Variants in PDE4D observed in about 807,000 individuals in gnomAD.
PDE4D encodes the protein phosphodiesterase 4D, also known as 3',5'-cyclic-AMP phosphodiesterase 4D.
PDE4D carries 24 observed loss-of-function variants against 87.4 expected under a neutral mutation model. The observed-to-expected ratio is 0.27, with a 90% CI of 0.20 to 0.39. The LOEUF (loss-of-function observed/expected upper bound fraction) is 0.39, where lower values mean the gene tolerates loss of function less well. Among genes scored for constraint, PDE4D ranks in the 10% least tolerant of loss-of-function variants. PDE4D has a pLI of 1.00. For missense variants in PDE4D, 714 were observed against 1,041.0 expected (o/e 0.69, Z 4.32); for synonymous variants, 384 against 383.2 (o/e 1.00, Z -0.02).
chr5:59,809,579 T>C (rs879824332), intron 1 of PDE4D, among the ~76,000 whole-genome samples: 2 of 152,168 alleles, frequency 1.3e-5, no homozygotes, highest in Non-Finnish European at 2.9e-5. Context: ...TTTTAGGATA[T>C]AGTATTGCCT....
chr5:59,222,480 T>TG (rs2153511449), intron 1 of PDE4D, among the ~76,000 whole-genome samples: 1 of 152,250 alleles, frequency 6.6e-6, no homozygotes, highest in East Asian at 1.9e-4. Context: ...GGTGGGGCAA[T>TG]GAGGGCCTCA....
intron 4 of PDE4D, among the ~76,000 whole-genome samples, chr5:59,181,548 A>ATATATATATATATATATATG (rs1344987604): frequency 6.4e-5 from 2 of 31,456 alleles, no homozygotes; most frequent in African/African-American, 1.5e-4. Context: ...TGTCTGATAT[A>ATATATATATATATATATATG]TATATATATA....
At chr5:59,513,824 C>A (rs572412615) in intron 1 of PDE4D, among the ~76,000 whole-genome samples, 1 of 152,300 alleles carries the variant, frequency 6.6e-6, no homozygotes, top group African/African-American at 2.4e-5. Context: ...TAATGACAGT[C>A]TTTCCCATGT....
intron 2 of PDE4D, among the ~76,000 whole-genome samples, chr5:59,991,862 G>A (rs915709000): frequency 2.2e-4 from 34 of 152,310 alleles, no homozygotes; most frequent in African/African-American, 7.7e-4. Context: ...AATACTGAGT[G>A]TCAACTTGAT....
intron 1 of PDE4D, among the ~76,000 whole-genome samples, chr5:59,414,181 C>G (rs948020588): frequency 6.6e-6 from 1 of 152,194 alleles, no homozygotes; most frequent in Non-Finnish European, 1.5e-5. Context: ...ACACGTTATT[C>G]TTAATACTCA....
chr5:60,380,088 G>A (rs116258881), intron 1 of PDE4D, among the ~76,000 whole-genome samples: 142 of 152,274 alleles, frequency 9.3e-4, no homozygotes, highest in African/African-American at 3.1e-3. Context: ...TTTCACTTGC[G>A]TATAGGAAAG....
intron 2 of PDE4D, among the ~76,000 whole-genome samples, chr5:60,107,837 T>A (rs1430389897): frequency 5.3e-5 from 8 of 152,054 alleles, no homozygotes; most frequent in African/African-American, 1.9e-4. Context: ...CTCAATAAAT[T>A]AGGTATTGAT....
intron 5 of PDE4D, among the ~76,000 whole-genome samples, chr5:59,057,419 C>G (rs1762526918): frequency 6.6e-6 from 1 of 152,154 alleles, no homozygotes; most frequent in Non-Finnish European, 1.5e-5. Flanking sequence ...CAGTATGATT[C>G]TGAAAATTAT....
chr5:59,939,413 C>T (rs944654276), intron 3 of PDE4D, among the ~76,000 whole-genome samples: 11 of 152,108 alleles, frequency 7.2e-5, no homozygotes, highest in African/African-American at 2.7e-4. Flanking sequence ...CAATGGCAAG[C>T]AAAACATATA....
intron 2 of PDE4D, among the ~76,000 whole-genome samples, chr5:60,057,707 A>G (rs1005204418): frequency 6.6e-6 from 1 of 152,058 alleles, no homozygotes; most frequent in East Asian, 1.9e-4. Flanking sequence ...TAAATATAAT[A>G]CTGGATTCCT....
At chr5:59,595,114 T>C (rs1000410251) in intron 1 of PDE4D, among the ~76,000 whole-genome samples, 5 of 152,228 alleles carry the variant, frequency 3.3e-5, no homozygotes, top group African/African-American at 1.2e-4. Context: ...ACAATTTTTA[T>C]ACAATTTCAA....
intron 3 of PDE4D, among the ~76,000 whole-genome samples, chr5:59,945,234 A>G (rs1340420842): frequency 2.0e-5 from 3 of 152,238 alleles, no homozygotes; most frequent in Non-Finnish European, 4.4e-5. Context: ...ATTTGCCACA[A>G]ACTCTTCTAC....
intron 2 of PDE4D, among the ~76,000 whole-genome samples, chr5:60,045,083 T>G (rs1056662419): frequency 6.6e-6 from 1 of 152,176 alleles, no homozygotes; most frequent in Non-Finnish European, 1.5e-5. Flanking sequence ...GGTATCTCAT[T>G]GTGGTTTTGA....
intron 1 of PDE4D, among the ~76,000 whole-genome samples, chr5:60,506,153 C>T (rs1202507174): frequency 5.3e-5 from 8 of 152,254 alleles, no homozygotes; most frequent in Middle Eastern, 3.4e-3. Context: ...TGTCTACTTG[C>T]GTAGGGCATA....
intron 2 of PDE4D, among the ~76,000 whole-genome samples, chr5:60,126,493 G>A (rs1444440073): frequency 6.6e-6 from 1 of 151,950 alleles, no homozygotes; most frequent in Non-Finnish European, 1.5e-5. Flanking sequence ...GCTAAAAAAT[G>A]AAATGGGAAT....
chr5:60,336,043 G>A (rs1198217368), intron 1 of PDE4D, among the ~76,000 whole-genome samples: 1 of 152,124 alleles, frequency 6.6e-6, no homozygotes, highest in African/African-American at 2.4e-5. Context: ...TTATTGGAGA[G>A]CGAGGAAAAG....
intron 1 of PDE4D, chr5:60,460,424 A>T: frequency 7.8e-7 from 1 of 1,278,256 alleles, no homozygotes; most frequent in South Asian, 1.2e-5. Flanking sequence ...AGCAGGGCAG[A>T]CACTTGTGGA....
At chr5:59,170,494 T>C (rs1166528990) in intron 5 of PDE4D, among the ~76,000 whole-genome samples, 1 of 152,166 alleles carries the variant, frequency 6.6e-6, no homozygotes, top group Non-Finnish European at 1.5e-5. Context: ...GTGCCCTTTC[T>C]AGGCAAGGAG....
At chr5:59,464,879 T>C (rs1358596512) in intron 1 of PDE4D, among the ~76,000 whole-genome samples, 6 of 152,160 alleles carry the variant, frequency 3.9e-5, no homozygotes, top group Non-Finnish European at 8.8e-5. Context: ...GGCAAAAGCA[T>C]TGGAGGACAA....
Sources: gnomAD v4.1 joint callset for allele counts (sites outside exome capture counted in the v4.1 genomes callset) on GRCh38, gnomAD v4.1.1 for gene constraint, MANE v1.5 for transcripts, NCBI Gene and HGNC (gene_info 2026-07-23, HGNC 2026-07-21) for gene names.